ZNF362: variants seen among roughly 807,000 people sequenced by gnomAD.
The protein encoded by ZNF362 is zinc finger protein 362, also known as rotund homolog.
In ZNF362, 11 loss-of-function variants were observed where a neutral mutation model predicts 42.9. That is an observed-to-expected ratio of 0.26 (90% CI 0.16 to 0.42). The LOEUF (loss-of-function observed/expected upper bound fraction) is 0.42. Among genes scored for constraint, ZNF362 ranks in the 20% least tolerant of loss-of-function variants. The pLI, the probability that ZNF362 is intolerant of heterozygous loss-of-function variation, is 1.00. For synonymous variants in ZNF362, 255 were observed against 257.3 expected, an observed-to-expected ratio of 0.99 and a Z score of 0.09; for missense variants, 362 against 576.2, an observed-to-expected ratio of 0.63 and a Z score of 3.81.
intron 2 of ZNF362, among the ~76,000 whole-genome samples, chr1:33,273,313 G>T (rs1645919496): frequency 6.6e-6 from 1 of 152,248 alleles, no homozygotes; most frequent in African/African-American, 2.4e-5. Context: ...GAGAAATCAG[G>T]CAAAGGTGGT....
chr1:33,250,893 A>AAGAAGAAGG, the ZNF362 span, among the ~76,000 whole-genome samples: 41 of 150,118 alleles, frequency 2.7e-4, no homozygotes, highest in African/African-American at 7.1e-4. Flanking sequence ...GAAGAAGAAG[A>AAGAAGAAGG]AGGAGAAGAA....
chr1:33,171,106 C>T, the ZNF362 span, among the ~76,000 whole-genome samples: 1 of 152,166 alleles, frequency 6.6e-6, no homozygotes, highest in African/African-American at 2.4e-5. Flanking sequence ...ACAGGAAACA[C>T]AGGCCCAAGG....
the ZNF362 span, chr1:33,146,117 G>C: frequency 3.0e-5 from 8 of 266,014 alleles, no homozygotes; most frequent in African/African-American, 1.6e-4. Context: ...TGAATCTGGC[G>C]CTGGGAGTTC....
intron 2 of ZNF362, among the ~76,000 whole-genome samples, chr1:33,272,455 G>A (rs1645911679): frequency 6.6e-6 from 1 of 151,244 alleles, no homozygotes; most frequent in South Asian, 2.1e-4. Flanking sequence ...GCCGTTTTCT[G>A]GAAGGGGCGT....
chr1:33,283,816 A>T (rs4653376), intron 6 of ZNF362, among the ~76,000 whole-genome samples: 151,426 of 152,372 alleles, frequency 0.99, 75,250 homozygotes, highest in East Asian at 1. Flanking sequence ...CATGTAAGTT[A>T]GTTTCAGCAA....
chr1:33,221,300 A>G, the ZNF362 span, among the ~76,000 whole-genome samples: 1 of 152,116 alleles, frequency 6.6e-6, no homozygotes, highest in Non-Finnish European at 1.5e-5. Context: ...GGATCCTGGG[A>G]AGGGCCCCCA....
the ZNF362 span, chr1:33,146,897 T>G: frequency 2.0e-5 from 9 of 442,780 alleles, no homozygotes; most frequent in East Asian, 4.1e-5. Context: ...AAGATGGGGA[T>G]GAGGGTTGGG....
intron 2 of ZNF362, chr1:33,275,048 A>G: frequency 2.0e-6 from 2 of 985,442 alleles, no homozygotes; most frequent in Non-Finnish European, 2.4e-6. Context: ...AAAGCACTTC[A>G]TTTTGGTCTT....
the ZNF362 span, among the ~76,000 whole-genome samples, chr1:33,135,333 C>T: frequency 4.7e-3 from 721 of 152,220 alleles, 21 homozygotes; most frequent in East Asian, 0.087. Flanking sequence ...AACCCAGGTC[C>T]GCATGCTGCC....
intron 1 of ZNF362, among the ~76,000 whole-genome samples, chr1:33,258,101 G>T (rs1030940008): frequency 6.6e-6 from 1 of 152,216 alleles, no homozygotes; most frequent in Non-Finnish European, 1.5e-5. Context: ...GACCTCCTCG[G>T]TGTGAGCCTC....
the ZNF362 span, among the ~76,000 whole-genome samples, chr1:33,171,832 G>A: frequency 1.3e-5 from 2 of 151,880 alleles, no homozygotes; most frequent in Non-Finnish European, 2.9e-5. Flanking sequence ...CCCAGTCTGG[G>A]GTGTAGTGGT....
chr1:33,189,884 G>A, the ZNF362 span, among the ~76,000 whole-genome samples: 77 of 151,678 alleles, frequency 5.1e-4, no homozygotes, highest in Middle Eastern at 3.4e-3. Context: ...AATAGTCACA[G>A]GAGGGTGTGA....
At chr1:33,232,435 G>T in the ZNF362 span, among the ~76,000 whole-genome samples, 2 of 151,748 alleles carry the variant, frequency 1.3e-5, no homozygotes, top group Non-Finnish European at 2.9e-5. Flanking sequence ...ATTTTTTTTT[G>T]TATTTTTTAG....
chr1:33,227,731 A>G, the ZNF362 span, among the ~76,000 whole-genome samples: 13 of 152,250 alleles, frequency 8.5e-5, no homozygotes, highest in East Asian at 1.9e-3. Flanking sequence ...TGTAGAGGCC[A>G]CCAGACCTAC....
chr1:33,256,098 G>C (rs1645786851), upstream of ZNF362, among the ~76,000 whole-genome samples: 1 of 151,388 alleles, frequency 6.6e-6, no homozygotes, highest in Non-Finnish European at 1.5e-5. Context: ...GGGCGGAGGG[G>C]GGCGAGGAGT....
upstream of ZNF362, among the ~76,000 whole-genome samples, chr1:33,255,465 G>C (rs927524470): frequency 1.2e-5 from 1 of 80,146 alleles, no homozygotes; most frequent in Non-Finnish European, 2.6e-5. Flanking sequence ...ATCTAAGCCG[G>C]TGAAGGGATC....
At chr1:33,160,059 C>G in the ZNF362 span, 262 of 1,352,532 alleles carry the variant, frequency 1.9e-4, 1 homozygote, top group African/African-American at 2.8e-3. Flanking sequence ...GGAAAGGGCA[C>G]GCGTGGTGGG....
the ZNF362 span, among the ~76,000 whole-genome samples, chr1:33,241,692 A>G: frequency 6.6e-6 from 1 of 152,154 alleles, no homozygotes; most frequent in Non-Finnish European, 1.5e-5. Flanking sequence ...TCAAATCTCA[A>G]AGAAGAGAGT....
chr1:33,265,570 G>A (rs1300348529), intron 1 of ZNF362, among the ~76,000 whole-genome samples: 1 of 152,126 alleles, frequency 6.6e-6, no homozygotes, highest in East Asian at 1.9e-4. Flanking sequence ...AGTCTTGAGA[G>A]TGGGGTGGGG....
Sources: allele counts gnomAD v4.1 joint callset (sites outside exome capture counted in the v4.1 genomes callset), GRCh38; gene constraint gnomAD v4.1.1; transcripts MANE v1.5; gene names NCBI Gene and HGNC (gene_info 2026-07-23, HGNC 2026-07-21).